RIC3: variants seen among roughly 807,000 people sequenced by gnomAD.
RIC3 encodes RIC3 acetylcholine receptor chaperone, also known as protein RIC-3.
RIC3 carries 28 observed loss-of-function variants against 27.3 expected under a neutral mutation model. The ratio of observed to expected loss-of-function variants is 1.02; its 90% CI spans 0.76 to 1.41. RIC3 has a LOEUF of 1.41. Ranked by LOEUF, RIC3 falls within the 40% of genes most tolerant of loss-of-function variation. The pLI is 0.00. For synonymous variants in RIC3, 184 were observed against 160.4 expected (o/e 1.15, Z -1.11); for missense variants, 501 against 444.7 (o/e 1.13, Z -1.14).
intron 4 of RIC3, 27 bp from the exon 5 acceptor site, chr11:8,126,834 T>C: frequency 3.1e-6 from 5 of 1,613,506 alleles, no homozygotes; most frequent in Non-Finnish European, 3.4e-6. Flanking sequence ...AATCCAACCA[T>C]TTAGTGGTAA....
the RIC3 span, chr11:8,100,649 T>C: frequency 1.9e-6 from 3 of 1,583,362 alleles, no homozygotes; most frequent in South Asian, 3.3e-5. Flanking sequence ...TCCTAGTCTC[T>C]GCATGAGCTT....
At chr11:8,127,787 A>G (rs913113405) in intron 4 of RIC3, among the ~76,000 whole-genome samples, 3 of 152,252 alleles carry the variant, frequency 2.0e-5, no homozygotes, top group Non-Finnish European at 4.4e-5. Context: ...ACTATGTACT[A>G]GCCTGTGGAG....
chr11:8,124,062 C>A (rs1192627378), intron 5 of RIC3, among the ~76,000 whole-genome samples: 2 of 142,690 alleles, frequency 1.4e-5, no homozygotes, highest in African/African-American at 5.2e-5. Context: ...GGGCAAGACC[C>A]TGAAAAAAAA....
Position 8,168,884 on chromosome 11 carries a change from G to C in RIC3, c.106C>G (p.Pro36Ala). ...CTCTTACCTTCAGGTGTCGGCGGCG[G>C]CTCCTGCCGCTTCCCGCGGGACAGG... is the stretch of plus-strand genomic sequence containing the variant. ...AFLSRGKRQEPPPTPEGKLGR... is the reference protein window; with the variant it reads ...AFLSRGKRQEAPPTPEGKLGR... The change falls in exon 1 of 6, where the codon CCG becomes GCG. Residue 36 changes from proline to alanine, a missense_variant. Pro to Ala is a conservative substitution (Grantham distance 27). Coordinates refer to ENST00000309737, the MANE Select transcript of RIC3 (RefSeq NM_001206671.4). 1 of 1,610,102 alleles carries C rather than the reference G, an allele frequency of 6.2e-7. No individual in the cohort carries two copies. Among genetic ancestry groups the C allele is most frequent in the South Asian group, 1.1e-5 (1 of 90,946 alleles).
At chr11:8,148,306 A>C (rs894137464) in intron 1 of RIC3, among the ~76,000 whole-genome samples, 1 of 152,208 alleles carries the variant, frequency 6.6e-6, no homozygotes, top group Non-Finnish European at 1.5e-5. Flanking sequence ...GATGCTGGTG[A>C]CTATGCCCCT....
intron 1 of RIC3, among the ~76,000 whole-genome samples, chr11:8,159,777 G>A (rs996881437): frequency 2.0e-5 from 3 of 152,158 alleles, no homozygotes; most frequent in Non-Finnish European, 4.4e-5. Flanking sequence ...GATCATCTGA[G>A]GTCAAGGGTT....
Position 8,137,149 on chromosome 11 carries a change from C to T in RIC3, c.521+229G>A, listed in dbSNP as rs553097949. 4.2e-4 allele frequency among the ~76,000 whole-genome samples: 64 copies of T among 152,208 alleles called. 1 individual carries two copies. Among genetic ancestry groups the T allele is most frequent in the African/African-American group, 1.5e-3 (61 of 41,534 alleles). On this transcript the variant is annotated intron_variant, in intron 4 of 5. Coordinates refer to ENST00000309737, the MANE Select transcript of RIC3 (RefSeq NM_001206671.4). Reference sequence around the variant, plus strand: ...AAGCGATTCTCCTGCCTCAGCCTCCCGAGTAGCTGGGATTGCAGGTGTGCA... The same window carrying T: ...AAGCGATTCTCCTGCCTCAGCCTCCTGAGTAGCTGGGATTGCAGGTGTGCA...
At chr11:8,116,060 T>C (rs1482389763) in intron 5 of RIC3, among the ~76,000 whole-genome samples, 1 of 152,140 alleles carries the variant, frequency 6.6e-6, no homozygotes, top group African/African-American at 2.4e-5. Context: ...CACAGACTGA[T>C]GGAACAGAAT....
the RIC3 span, among the ~76,000 whole-genome samples, chr11:8,094,782 C>T: frequency 2.6e-5 from 4 of 152,356 alleles, no homozygotes; most frequent in South Asian, 8.3e-4. Flanking sequence ...GTTTCCTCAA[C>T]TTTTGTTCAC....
intron 1 of RIC3, among the ~76,000 whole-genome samples, chr11:8,150,257 T>A (rs928731622): frequency 1.3e-5 from 2 of 152,194 alleles, no homozygotes; most frequent in African/African-American, 4.8e-5. Context: ...TTATAAGAAA[T>A]AAAGTCTCCT....
At chr11:8,095,695 C>T in the RIC3 span, 1 of 1,560,330 alleles carries the variant, frequency 6.4e-7, no homozygotes, top group Non-Finnish European at 8.7e-7. Flanking sequence ...AGTGATACCC[C>T]CAAAACTCAG....
At chr11:8,113,144 C>G (rs375468400) in intron 5 of RIC3, among the ~76,000 whole-genome samples, 5 of 152,190 alleles carry the variant, frequency 3.3e-5, no homozygotes, top group East Asian at 3.9e-4. Flanking sequence ...AACCCAAGAC[C>G]CTCAGCCACC....
chr11:8,139,768 T>A, intron 2 of RIC3, 199 bp downstream of exon 2: 1 of 557,776 alleles, frequency 1.8e-6, no homozygotes, highest in South Asian at 2.4e-5. Context: ...GGCAAAACAC[T>A]TAAACATTGA....
At chr11:8,094,261 T>C in the RIC3 span, 4 of 1,503,008 alleles carry the variant, frequency 2.7e-6, no homozygotes, top group East Asian at 2.4e-5. Context: ...AGGTTTGTCC[T>C]CCTGACTTGG....
At position 8,106,688 on chromosome 11, in the gene RIC3, CTTT is replaced by C. The variant is rs11309018; in HGVS notation, c.*4007_*4009del. On this transcript the variant is annotated 3_prime_UTR_variant, in exon 6 of 6. Transcript: ENST00000309737. Reference sequence around the variant, plus strand: ...ACAGGACCTCGAGATGCTTAGGAATCTTTTTTTGTTGCCGGGCAGCTGTGGCAG... The same window carrying C: ...ACAGGACCTCGAGATGCTTAGGAATCTTTTGTTGCCGGGCAGCTGTGGCAG... The C allele has an allele frequency of 1.3e-5, 2 of 152,332 alleles. No homozygotes were observed. The highest frequency in any genetic ancestry group is 4.1e-4 in the South Asian group (2 of 4,828). The allele number at this position is 152,332 out of a possible 1,614,324, so 9.4% of individuals were successfully genotyped here.
At chr11:8,128,564 T>A (rs531588627) in intron 4 of RIC3, among the ~76,000 whole-genome samples, 1 of 152,276 alleles carries the variant, frequency 6.6e-6, no homozygotes, top group South Asian at 2.1e-4. Context: ...TCAACTTGGT[T>A]TGATACTCCT....
chr11:8,133,525 T>C (rs149348962), intron 4 of RIC3, among the ~76,000 whole-genome samples: 1 of 152,326 alleles, frequency 6.6e-6, no homozygotes, highest in Non-Finnish European at 1.5e-5. Flanking sequence ...TGGGAAGAGT[T>C]GCTCCCCAGT....
intron 1 of RIC3, among the ~76,000 whole-genome samples, chr11:8,161,594 C>A: frequency 6.6e-6 from 1 of 152,238 alleles, no homozygotes; most frequent in Non-Finnish European, 1.5e-5. Context: ...TCTTTCTACC[C>A]ACAGCACCAC....
chr11:8,132,368 T>G (rs564209120), intron 4 of RIC3, among the ~76,000 whole-genome samples: 1 of 152,326 alleles, frequency 6.6e-6, no homozygotes, highest in African/African-American at 2.4e-5. Context: ...ATCGTTACAT[T>G]CCTCCTCAAA....
Sources: allele counts gnomAD v4.1 joint callset (sites outside exome capture counted in the v4.1 genomes callset), GRCh38; gene constraint gnomAD v4.1.1; transcripts MANE v1.5; gene names NCBI Gene and HGNC (gene_info 2026-07-23, HGNC 2026-07-21).